The following PPP1R2B variants were observed in gnomAD, a reference collection of about 807,000 sequenced individuals.
PPP1R2B encodes the protein PPP1R2 family member B.
Under a neutral mutation model 17.6 loss-of-function variants are expected in PPP1R2B, and 13 were observed. The observed-to-expected ratio is 0.74, with a 90% CI of 0.48 to 1.17. PPP1R2B has a LOEUF of 1.17. Ranked by LOEUF, PPP1R2B falls within the 50% of genes most tolerant of loss-of-function variation. PPP1R2B has a pLI of 0.00. For synonymous variants in PPP1R2B, 105 were observed against 95.4 expected (o/e 1.10, Z -0.59); for missense variants, 230 against 252.4 (o/e 0.91, Z 0.60).
Position 156,850,483 on chromosome 5 carries a change from A to G in PPP1R2B, c.-80A>G. ...TGAGCGGGCTCTGCGGCTGCCTGCG[A>G]GTCTCTGCTGTGCCGACCCTTCTCT... On this transcript the variant is annotated 5_prime_UTR_variant, in exon 1 of 1. Coordinates refer to ENST00000522232, the MANE Select transcript of PPP1R2B (RefSeq NM_206858.3). The G allele has an allele frequency of 6.6e-7, 1 of 1,510,936 alleles. No individual in the cohort carries two copies. Among genetic ancestry groups the G allele is most frequent in the Non-Finnish European group, 8.9e-7 (1 of 1,119,744 alleles). The allele number at this position is 1,510,936 out of a possible 1,614,324, so 93.6% of individuals were successfully genotyped here.
chr5:156,851,366 T>G lies in PPP1R2B; in HGVS notation c.*186T>G, dbSNP rs1355177195. On this transcript the variant is annotated 3_prime_UTR_variant, in exon 1 of 1. Coordinates refer to ENST00000522232, the MANE Select transcript of PPP1R2B (RefSeq NM_206858.3). ...TGAAAATGCCTAATTGATATATATA[T>G]TCTTATGCCTAGTACTTTACCACAA... The G allele has an allele frequency of 1.3e-5, 8 of 621,914 alleles. No homozygotes were observed. Among genetic ancestry groups the G allele is most frequent in the Non-Finnish European group, 2.3e-5 (8 of 354,322 alleles). The allele number at this position is 621,914 out of a possible 1,614,324, so 38.5% of individuals were successfully genotyped here.
rs1758466500 is a variant in PPP1R2B, at chr5:156,850,666, G to A, written c.104G>A (p.Ser35Asn). ...MVASAEQPRRSVDEELSKKSQ... is the reference protein window; with the variant it reads ...MVASAEQPRRNVDEELSKKSQ... ...GCGTCGGCCGAACAGCCCCGCAGGA[G>A]TGTCGACGAGGAGCTGAGCAAAAAA... is the stretch of plus-strand genomic sequence containing the variant. The change falls in exon 1 of 1, where the codon AGT becomes AAT. Residue 35 changes from serine to asparagine, a missense_variant. Ser to Asn is a conservative substitution (Grantham distance 46). Coordinates refer to ENST00000522232, the MANE Select transcript of PPP1R2B (RefSeq NM_206858.3). 2 of 1,590,296 alleles carry A rather than the reference G, an allele frequency of 1.3e-6. No individual in the cohort carries two copies. Among genetic ancestry groups the A allele is most frequent in the South Asian group, 1.1e-5 (1 of 90,262 alleles).
In PPP1R2B at chr5:156,852,402, TA is replaced by T. The variant is rs1290270139; in HGVS notation, c.*1227del. ...AAGTAAGCCTGGACATTTTTTAATT[TA>T]AAAACTTTAAATAGTCCCTGCTTTA... On this transcript the variant is annotated 3_prime_UTR_variant, in exon 1 of 1. Coordinates refer to ENST00000522232, the MANE Select transcript of PPP1R2B (RefSeq NM_206858.3). 1 of 152,108 alleles carries T rather than the reference TA, an allele frequency of 6.6e-6. No individual in the cohort carries two copies. Among genetic ancestry groups the T allele is most frequent in the Non-Finnish European group, 1.5e-5 (1 of 67,980 alleles). The allele number at this position is 152,108 out of a possible 1,614,324, so 9.4% of individuals were successfully genotyped here.
Position 156,850,968 on chromosome 5 carries a change from A to C in PPP1R2B, c.406A>C (p.Lys136Gln), listed in dbSNP as rs779356949. 6.2e-7 allele frequency: 1 copy of C among 1,613,732 alleles called. No homozygotes were observed. Among genetic ancestry groups the C allele is most frequent in the South Asian group, 1.1e-5 (1 of 91,068 alleles). ...TGACCTCTCACCTGAAGAACGAGAA[A>C]AAAAGCGACAATTTGAAATGAGAAG... ...DSDLSPEERE[K>Q]KRQFEMRRKL... The change falls in exon 1 of 1, where the codon AAA becomes CAA. Residue 136 changes from lysine (K) to glutamine (Q), a missense_variant. Lys to Gln is a moderately conservative substitution (Grantham distance 53). Transcript: ENST00000522232.
Position 156,851,103 on chromosome 5 carries a change from G to A in PPP1R2B, c.541G>A (p.Glu181Lys), listed in dbSNP as rs1758475548. 6.3e-7 allele frequency: 1 copy of A among 1,592,934 alleles called. No homozygotes were observed. The highest frequency in any genetic ancestry group is 1.1e-5 in the South Asian group (1 of 90,626). Residue 181 changes from glutamate (E) to lysine (K), a missense_variant, in exon 1 of 1, where the codon GAA (glutamate) becomes AAA (lysine). By Grantham distance (56) the Glu-to-Lys change is moderately conservative (BLOSUM62 1). Coordinates refer to ENST00000522232, the MANE Select transcript of PPP1R2B (RefSeq NM_206858.3). ...DEEMLETADG[E>K]SMNTEESNQG... The stretch of plus-strand genomic sequence containing the variant: ...AGAAATGTTAGAGACTGCAGATGGA[G>A]AAAGCATGAATACGGAAGAATCAAA...
rs1758474162 is a variant in PPP1R2B at position 156,851,026 on chromosome 5, A to G, written c.464A>G (p.Lys155Arg). 1 of 1,613,386 alleles carries G rather than the reference A, an allele frequency of 6.2e-7. No individual in the cohort carries two copies. Among genetic ancestry groups the G allele is most frequent in the Non-Finnish European group, 8.5e-7 (1 of 1,179,330 alleles). ...KLHYNEGLNIKLARQLISKDL... is the reference protein window; with the variant it reads ...KLHYNEGLNIRLARQLISKDL... Reference sequence around the variant, plus strand: ...CACTACAATGAAGGACTCAATATCAAACTAGCCAGACAATTAATTTCAAAA... The same window carrying G: ...CACTACAATGAAGGACTCAATATCAGACTAGCCAGACAATTAATTTCAAAA... Residue 155 changes from lysine to arginine, a missense_variant, in exon 1 of 1, where the codon AAA becomes AGA. By Grantham distance (26) the Lys-to-Arg change is conservative. Coordinates refer to ENST00000522232, the MANE Select transcript of PPP1R2B (RefSeq NM_206858.3).
rs780264480 is a variant in PPP1R2B at position 156,851,708 on chromosome 5, C to G, written c.*528C>G. 6.5e-6 allele frequency: 1 copy of G among 154,194 alleles called. No individual in the cohort carries two copies. The highest frequency in any genetic ancestry group is 1.4e-5 in the Non-Finnish European group (1 of 69,228). 9.6% of individuals were successfully genotyped at this position (154,194 alleles called of 1,614,324 possible). A position where few individuals can be genotyped will look rare whatever the true frequency, so the allele number is the denominator to read the frequency against. ...ATTGTAAGAGTTACTGTTGCATTTT[C>G]TGACCTACTACCTTTAAAATTCCTG... On this transcript the variant is annotated 3_prime_UTR_variant, in exon 1 of 1. Transcript: ENST00000522232.
At position 156,852,358 on chromosome 5, in the gene PPP1R2B, T is replaced by G. The variant is rs1758492293; in HGVS notation, c.*1178T>G. On this transcript the variant is annotated 3_prime_UTR_variant, in exon 1 of 1. Transcript: ENST00000522232. ...TTGTATGTAACCAGTGATATGATTA[T>G]TCCTGAATGTACAGACAGAAGTAAG... The G allele has an allele frequency of 6.6e-6, 1 of 152,136 alleles. No individual in the cohort carries two copies. Among genetic ancestry groups the G allele is most frequent in the Non-Finnish European group, 1.5e-5 (1 of 67,984 alleles). 9.4% of individuals were successfully genotyped at this position (152,136 alleles called of 1,614,324 possible).
chr5:156,850,938 G>T lies in PPP1R2B; in HGVS notation c.376G>T (p.Asp126Tyr). ...IQEQESSGEE[D>Y]SDLSPEEREK... ...GGAACAAGAAAGCAGTGGAGAGGAGGATAGTGACCTCTCACCTGAAGAACG... is the reference window on the plus strand; with the variant it reads ...GGAACAAGAAAGCAGTGGAGAGGAGTATAGTGACCTCTCACCTGAAGAACG... The change falls in exon 1 of 1, where the codon GAT (aspartate) becomes TAT (tyrosine). Residue 126 changes from aspartate to tyrosine, a missense_variant. Transcript: ENST00000522232. 1 of 1,610,142 alleles carries T rather than the reference G, an allele frequency of 6.2e-7. No individual in the cohort carries two copies. Among genetic ancestry groups the T allele is most frequent in the Non-Finnish European group, 8.5e-7 (1 of 1,177,560 alleles).
chr5:156,852,379 G>A lies in PPP1R2B; in HGVS notation c.*1199G>A, dbSNP rs1179888938. On this transcript the variant is annotated 3_prime_UTR_variant, in exon 1 of 1. Coordinates refer to ENST00000522232, the MANE Select transcript of PPP1R2B (RefSeq NM_206858.3). ...ATTATTCCTGAATGTACAGACAGAA[G>A]TAAGCCTGGACATTTTTTAATTTAA... is the stretch of plus-strand genomic sequence containing the variant. 6.6e-6 allele frequency: 1 copy of A among 152,020 alleles called. No individual in the cohort carries two copies. Among genetic ancestry groups the A allele is most frequent in the Non-Finnish European group, 1.5e-5 (1 of 67,966 alleles). 9.4% of individuals were successfully genotyped at this position (152,020 alleles called of 1,614,324 possible). A position where few individuals can be genotyped will look rare whatever the true frequency, so the allele number is the denominator to read the frequency against.
In PPP1R2B at chr5:156,850,742, CA is replaced by C. The variant is rs752998654; in HGVS notation, c.183del (p.Gly62AlafsTer4). 4.6e-6 allele frequency: 7 copies of C among 1,532,952 alleles called. No individual in the cohort carries two copies. In the East Asian group the frequency reaches 1.3e-4, roughly 30 times the overall value. 95.0% of individuals were successfully genotyped at this position (1,532,952 alleles called of 1,614,324 possible). ...NILATYHPAD[K>X]GYGLMKIDEP... ...TCTTGGCGACCTATCATCCAGCAGACAAAGGCTATGGTTTAATGAAAATAGA... is the reference window on the plus strand; with the variant it reads ...TCTTGGCGACCTATCATCCAGCAGACAAGGCTATGGTTTAATGAAAATAGA... On this transcript the variant is annotated frameshift_variant, in exon 1 of 1. Coordinates refer to ENST00000522232, the MANE Select transcript of PPP1R2B (RefSeq NM_206858.3). LOFTEE classifies it high-confidence loss of function.
chr5:156,852,032 T>G lies in PPP1R2B; in HGVS notation c.*852T>G, dbSNP rs1758488228. The G allele has an allele frequency of 6.6e-6, 1 of 152,308 alleles. No homozygotes were observed. The highest frequency in any genetic ancestry group is 6.5e-5 in the Admixed American group (1 of 15,286). The allele number at this position is 152,308 out of a possible 1,614,324, so 9.4% of individuals were successfully genotyped here. ...ACATACACACACAATCTTTTACCTT[T>G]TAAAGGATCATTAAGATTGTCACGA... is the stretch of plus-strand genomic sequence containing the variant. On this transcript the variant is annotated 3_prime_UTR_variant, in exon 1 of 1. Coordinates refer to ENST00000522232, the MANE Select transcript of PPP1R2B (RefSeq NM_206858.3).
In PPP1R2B at chr5:156,851,317, G is replaced by A. The variant is rs1054253020; in HGVS notation, c.*137G>A. 2.8e-6 allele frequency: 2 copies of A among 705,012 alleles called. No homozygotes were observed. The highest frequency in any genetic ancestry group is 2.4e-6 in the Non-Finnish European group (1 of 415,456). The allele number at this position is 705,012 out of a possible 1,614,324, so 43.7% of individuals were successfully genotyped here. ...TATTATATATTGCCAAGAATTAAAT[G>A]ATAAACTTAGAGACTAATTAGACTG... On this transcript the variant is annotated 3_prime_UTR_variant, in exon 1 of 1. Transcript: ENST00000522232.
rs1384456138 is a variant in PPP1R2B at position 156,850,310 on chromosome 5, C to T, written c.-253C>T. Among the ~76,000 whole-genome samples, 1 of 148,254 alleles carries T rather than the reference C, an allele frequency of 6.7e-6. No homozygotes were observed. Among genetic ancestry groups the T allele is most frequent in the African/African-American group, 2.5e-5 (1 of 40,324 alleles). On this transcript the variant is annotated 5_prime_UTR_variant, in exon 1 of 1. Coordinates refer to ENST00000522232, the MANE Select transcript of PPP1R2B (RefSeq NM_206858.3). ...CACTCCCCGCGGAGCTCTAGGCCGGCATCTCTCCGCGAGCCGCGGGTCAAG... is the reference window on the plus strand; with the variant it reads ...CACTCCCCGCGGAGCTCTAGGCCGGTATCTCTCCGCGAGCCGCGGGTCAAG...
Position 156,851,240 on chromosome 5 carries a change from T to C in PPP1R2B, c.*60T>C. The C allele has an allele frequency of 7.6e-7, 1 of 1,323,726 alleles. No homozygotes were observed. Among genetic ancestry groups the C allele is most frequent in the East Asian group, 2.3e-5 (1 of 43,526 alleles). 82.0% of individuals were successfully genotyped at this position (1,323,726 alleles called of 1,614,324 possible). A position where few individuals can be genotyped will look rare whatever the true frequency, so the allele number is the denominator to read the frequency against. ...ATATAAACCCTGTGACTATAATACA[T>C]TGCTTCTTGTTCTCCACAATTCATG... On this transcript the variant is annotated 3_prime_UTR_variant, in exon 1 of 1. Coordinates refer to ENST00000522232, the MANE Select transcript of PPP1R2B (RefSeq NM_206858.3).
rs2113284266 is a variant in PPP1R2B at position 156,851,659 on chromosome 5, G to A, written c.*479G>A. 6.3e-6 allele frequency: 1 copy of A among 157,940 alleles called. No homozygotes were observed. Among genetic ancestry groups the A allele is most frequent in the Non-Finnish European group, 1.4e-5 (1 of 71,754 alleles). 9.8% of individuals were successfully genotyped at this position (157,940 alleles called of 1,614,324 possible). The stretch of plus-strand genomic sequence containing the variant: ...GTATTTTAACACTTCTCTTCAACTT[G>A]ATTTGTCTGTTTAATTGAAAAGAAT... On this transcript the variant is annotated 3_prime_UTR_variant, in exon 1 of 1. Coordinates refer to ENST00000522232, the MANE Select transcript of PPP1R2B (RefSeq NM_206858.3).
chr5:156,850,822 G>C lies in PPP1R2B; in HGVS notation c.260G>C (p.Arg87Thr), dbSNP rs1193368494. 6.6e-7 allele frequency: 1 copy of C among 1,515,982 alleles called. No individual in the cohort carries two copies. 93.9% of individuals were successfully genotyped at this position (1,515,982 alleles called of 1,614,324 possible). A position where few individuals can be genotyped will look rare whatever the true frequency, so the allele number is the denominator to read the frequency against. The change falls in exon 1 of 1, where the codon AGG becomes ACG. Residue 87 changes from arginine (R) to threonine (T), a missense_variant. Physicochemically the swap from Arg to Thr is moderately conservative, Grantham distance 71. Transcript: ENST00000522232. The stretch of plus-strand genomic sequence containing the variant: ...ATGGGTGATGATGAAGATGCGTGTA[G>C]GGACACCGAGACCACTGAAGCCATG... The part of the protein sequence containing the change: ...SMMGDDEDAC[R>T]DTETTEAMAP...
In PPP1R2B at chr5:156,851,013, G is replaced by A. The variant is rs2113283479; in HGVS notation, c.451G>A (p.Gly151Arg). Residue 151 changes from glycine (G) to arginine (R), a missense_variant, in exon 1 of 1, where the codon GGA (glycine) becomes AGA (arginine). By Grantham distance (125) the Gly-to-Arg change is moderately radical. Coordinates refer to ENST00000522232, the MANE Select transcript of PPP1R2B (RefSeq NM_206858.3). ...GAGAAGGAAGCTTCACTACAATGAA[G>A]GACTCAATATCAAACTAGCCAGACA... is the stretch of plus-strand genomic sequence containing the variant. ...EMRRKLHYNE[G>R]LNIKLARQLI... 1.9e-6 allele frequency: 3 copies of A among 1,613,510 alleles called. No homozygotes were observed. The highest frequency in any genetic ancestry group is 3.3e-4 in the Middle Eastern group (2 of 6,062).
At position 156,850,420 on chromosome 5, in the gene PPP1R2B, A is replaced by G. The variant is rs1758460778; in HGVS notation, c.-143A>G. The stretch of plus-strand genomic sequence containing the variant: ...GGGTCGTTGTGACAACCGCTCCAGT[A>G]GCCGTTTCCGAGGCAGCAGGTGCGG... On this transcript the variant is annotated 5_prime_UTR_variant, in exon 1 of 1. Coordinates refer to ENST00000522232, the MANE Select transcript of PPP1R2B (RefSeq NM_206858.3). 11 of 1,011,050 alleles carry G rather than the reference A, an allele frequency of 1.1e-5. No individual in the cohort carries two copies. Among genetic ancestry groups the G allele is most frequent in the Non-Finnish European group, 1.6e-5 (11 of 701,350 alleles). The allele number at this position is 1,011,050 out of a possible 1,614,324, so 62.6% of individuals were successfully genotyped here. A position where few individuals can be genotyped will look rare whatever the true frequency, so the allele number is the denominator to read the frequency against.
Sources: allele counts gnomAD v4.1 joint callset (sites outside exome capture counted in the v4.1 genomes callset), GRCh38; gene constraint gnomAD v4.1.1; transcripts MANE v1.5; gene names NCBI Gene and HGNC (gene_info 2026-07-23, HGNC 2026-07-21).